Variants in GLOD4 observed in about 807,000 individuals in gnomAD.
GLOD4 encodes glyoxalase domain containing 4, also known as glyoxalase domain-containing protein 4.
A neutral mutation model predicts 39.1 loss-of-function variants in GLOD4; 44 were observed. The observed-to-expected ratio is 1.13, with a 90% CI of 0.88 to 1.45. The LOEUF is 1.45. Among genes scored for constraint, GLOD4 ranks in the 40% most tolerant of loss-of-function variants. The pLI, the probability that GLOD4 is intolerant of heterozygous loss-of-function variation, is 0.00. For missense variants in GLOD4, 405 were observed against 366.4 expected (o/e 1.11, Z -0.86); for synonymous variants, 145 against 135.0 (o/e 1.07, Z -0.52).
chr17:769,745 C>CA, intron 8 of GLOD4, 124 bp downstream of exon 8: 2 of 692,644 alleles, frequency 2.9e-6, no homozygotes, highest in South Asian at 3.3e-5. Context: ...GAGGTCAACC[C>CA]AACAGCGAAA....
chr17:776,807 C>A, intron 3 of GLOD4, 61 bp downstream of exon 3: 1 of 1,305,710 alleles, frequency 7.7e-7, no homozygotes, highest in East Asian at 2.3e-5. Context: ...GCACTCTACT[C>A]AAATTTACAA....
intron 4 of GLOD4, among the ~76,000 whole-genome samples, chr17:772,103 C>T (rs377207494): frequency 1.0e-4 from 14 of 139,324 alleles, no homozygotes; most frequent in East Asian, 4.5e-4. Flanking sequence ...GCAGGAGGAT[C>T]GCTTGAGCCC....
chr17:778,651 G>A (rs774967011), intron 2 of GLOD4, 44 bp downstream of exon 2: 29 of 1,076,004 alleles, frequency 2.7e-5, no homozygotes, highest in Non-Finnish European at 4.1e-5. Context: ...TTATCCGGGT[G>A]TAGTCAGAGC....
At chr17:763,864 A>C (rs1377665529) in intron 8 of GLOD4, 2 of 152,220 alleles carry the variant, frequency 1.3e-5, no homozygotes, top group Non-Finnish European at 2.9e-5. Flanking sequence ...AAAAGTTCAT[A>C]AGCTGGACTT....
At position 770,463 on chromosome 17, in the gene GLOD4, T is replaced by C; in HGVS notation, c.588A>G (p.Ala196=). Residue 196 remains alanine (A), a synonymous_variant, in exon 6 of 9, where the codon GCA becomes GCG. Coordinates refer to ENST00000301329, the MANE Select transcript of GLOD4 (RefSeq NM_016080.4). ...AGAAGGCAATTCTTCCAAAAGCTGC[T>C]GCATGGTCCACCCCACCCTTGACGC... ...LQGVKGGVDH[A]AAFGRIAFSC... The C allele has an allele frequency of 2.5e-6, 4 of 1,596,134 alleles. No individual in the cohort carries two copies. Among genetic ancestry groups the C allele is most frequent in the Non-Finnish European group, 2.6e-6 (3 of 1,163,538 alleles).
intron 8 of GLOD4, among the ~76,000 whole-genome samples, chr17:761,751 G>A (rs1339319587): frequency 1.3e-5 from 2 of 152,292 alleles, no homozygotes; most frequent in African/African-American, 2.4e-5. Context: ...TGAGCCACCC[G>A]CCTTGGTCCC....
intron 8 of GLOD4, among the ~76,000 whole-genome samples, chr17:767,880 A>G: frequency 7.2e-6 from 1 of 139,538 alleles, no homozygotes; most frequent in Non-Finnish European, 1.5e-5. Context: ...AGAAATCTGG[A>G]GAGGACGTAA....
chr17:771,430 A>T lies in GLOD4; in HGVS notation c.438T>A (p.Ser146=). 6.3e-7 allele frequency: 1 copy of T among 1,576,632 alleles called. No individual in the cohort carries two copies. Among genetic ancestry groups the T allele is most frequent in the South Asian group, 1.1e-5 (1 of 89,066 alleles). ...AGTAGTTCAAGGACTTTTGAAGATC[A>T]GACACTGCTAGAGTTACTTTTAATA... ...DPVLKVTLAV[S]DLQKSLNYWC... Residue 146 remains serine (S), a synonymous_variant, in exon 5 of 9, where the codon TCT becomes TCA. Transcript: ENST00000301329.
intron 4 of GLOD4, among the ~76,000 whole-genome samples, chr17:774,362 A>G (rs1476592476): frequency 1.3e-5 from 2 of 152,250 alleles, no homozygotes; most frequent in East Asian, 1.9e-4. Context: ...GCCCACTTGC[A>G]GGCATACGTT....
upstream of GLOD4, chr17:783,013 A>C (rs1399023257): frequency 4.7e-5 from 72 of 1,532,760 alleles, no homozygotes; most frequent in Non-Finnish European, 6.3e-5. Flanking sequence ...TATTTCTGTT[A>C]CAACTAAGCG....
chr17:760,559 G>A (rs949801249), intron 8 of GLOD4, among the ~76,000 whole-genome samples: 2 of 152,158 alleles, frequency 1.3e-5, no homozygotes, highest in African/African-American at 4.8e-5. Context: ...CGAGGTCAGG[G>A]ACCCGCATGC....
chr17:777,112 G>C (rs1457250135), intron 2 of GLOD4, 124 bp from the exon 3 acceptor site: 1 of 863,082 alleles, frequency 1.2e-6, no homozygotes, highest in African/African-American at 1.7e-5. Context: ...TCTTAAGGAT[G>C]AGATGACCTC....
Position 771,436 on chromosome 17 carries a change from T to C in GLOD4, c.432A>G (p.Ala144=). Residue 144 remains alanine (A), a synonymous_variant, in exon 5 of 9, where the codon GCA becomes GCG. Coordinates refer to ENST00000301329, the MANE Select transcript of GLOD4 (RefSeq NM_016080.4). ...QSDPVLKVTL[A]VSDLQKSLNY... ...TCAAGGACTTTTGAAGATCAGACAC[T>C]GCTAGAGTTACTTTTAATACAGGAT... 1.9e-6 allele frequency: 3 copies of C among 1,570,932 alleles called. No homozygotes were observed. Among genetic ancestry groups the C allele is most frequent in the Non-Finnish European group, 2.6e-6 (3 of 1,147,400 alleles).
chr17:769,757 G>C (rs1907597318), intron 8 of GLOD4, 112 bp downstream of exon 8: 1 of 737,388 alleles, frequency 1.4e-6, no homozygotes, highest in East Asian at 2.6e-5. Flanking sequence ...ACAGCGAAAG[G>C]ACGTGGTTCT....
At chr17:761,690 G>A (rs1905462561) in intron 8 of GLOD4, among the ~76,000 whole-genome samples, 1 of 152,158 alleles carries the variant, frequency 6.6e-6, no homozygotes, top group Non-Finnish European at 1.5e-5. Flanking sequence ...GTTTAGTAGA[G>A]ACAGGGTTTC....
rs1323884492 is a variant in GLOD4, at chr17:759,649, G to C, written c.*524C>G. 6.6e-6 allele frequency: 1 copy of C among 152,624 alleles called. No individual in the cohort carries two copies. The highest frequency in any genetic ancestry group is 1.5e-5 in the Non-Finnish European group (1 of 68,338). 9.5% of individuals were successfully genotyped at this position (152,624 alleles called of 1,614,324 possible). On this transcript the variant is annotated 3_prime_UTR_variant, in exon 9 of 9. Transcript: ENST00000301329. ...CTCAAAATGTGAAAGCAAGTAAGAG[G>C]GGGGTGGTTAACCAAACCTTTTGGT...
At chr17:782,363 C>A (rs765719267), upstream of GLOD4, 5 of 1,613,374 alleles carry the variant, frequency 3.1e-6, no homozygotes, top group Non-Finnish European at 2.5e-6. Context: ...GTGACGCAGC[C>A]CGGGTCTCAG....
intron 8 of GLOD4, chr17:764,797 A>C (rs1005117303): frequency 7.0e-6 from 1 of 142,870 alleles, no homozygotes; most frequent in Admixed American, 7.9e-5. Context: ...TCACAAGGTC[A>C]GGAGATCGAG....
At position 770,040 on chromosome 17, in the gene GLOD4, T is replaced by G. The variant is rs1413536582; in HGVS notation, c.744+4A>C. On this transcript the variant is annotated splice_donor_region_variant and intron_variant, in intron 7 of 8. Coordinates refer to ENST00000301329, the MANE Select transcript of GLOD4 (RefSeq NM_016080.4). The stretch of plus-strand genomic sequence containing the variant: ...AGCCTGCCCCCTGCCTGAGAAATAC[T>G]TACAGGGTCGGCCAGAATGACCACC... 1.3e-6 allele frequency: 2 copies of G among 1,595,616 alleles called. No homozygotes were observed. Among genetic ancestry groups the G allele is most frequent in the African/African-American group, 2.7e-5 (2 of 74,518 alleles).
Sources: gnomAD v4.1 joint callset for allele counts (sites outside exome capture counted in the v4.1 genomes callset) on GRCh38, gnomAD v4.1.1 for gene constraint, MANE v1.5 for transcripts, NCBI Gene and HGNC (gene_info 2026-07-23, HGNC 2026-07-21) for gene names.